Variants in EIF4G3 observed in about 807,000 individuals in gnomAD.
The protein encoded by EIF4G3 is eIF-4-gamma 3.
Under a neutral mutation model 186.4 loss-of-function variants are expected in EIF4G3, and 34 were observed. The observed-to-expected ratio is 0.18, with a 90% CI of 0.14 to 0.24. The LOEUF (loss-of-function observed/expected upper bound fraction) is 0.24. Among genes scored for constraint, EIF4G3 ranks in the 10% least tolerant of loss-of-function variants. The pLI, the probability that EIF4G3 is intolerant of heterozygous loss-of-function variation, is 1.00. For synonymous variants in EIF4G3, 673 were observed against 679.5 expected, an observed-to-expected ratio of 0.99 and a Z score of 0.15; for missense variants, 1,536 against 1,948.5, an observed-to-expected ratio of 0.79 and a Z score of 3.99.
At chr1:21,130,689 A>T (rs1168505494) in intron 2 of EIF4G3, among the ~76,000 whole-genome samples, 1 of 152,142 alleles carries the variant, frequency 6.6e-6, no homozygotes, top group Non-Finnish European at 1.5e-5. Flanking sequence ...ACCTTTAGTG[A>T]AGAGAAAAAA....
At chr1:20,950,960 G>A (rs1573395506) in intron 12 of EIF4G3, among the ~76,000 whole-genome samples, 1 of 152,174 alleles carries the variant, frequency 6.6e-6, no homozygotes, top group South Asian at 2.1e-4. Flanking sequence ...ACAAAGCAGT[G>A]TCTCTCCTCG....
At chr1:21,097,886 T>C (rs1367141302) in intron 2 of EIF4G3, among the ~76,000 whole-genome samples, 1 of 152,124 alleles carries the variant, frequency 6.6e-6, no homozygotes, top group Non-Finnish European at 1.5e-5. Flanking sequence ...AAACAACTGT[T>C]ATCTTGGATT....
At chr1:21,021,659 G>C (rs1230984971) in intron 4 of EIF4G3, among the ~76,000 whole-genome samples, 1 of 152,040 alleles carries the variant, frequency 6.6e-6, no homozygotes, top group Non-Finnish European at 1.5e-5. Flanking sequence ...GGGTTCAAGC[G>C]ATTCTCCTAC....
At chr1:21,166,926 C>A (rs992382962) in intron 2 of EIF4G3, among the ~76,000 whole-genome samples, 1 of 151,882 alleles carries the variant, frequency 6.6e-6, no homozygotes, top group Non-Finnish European at 1.5e-5. Context: ...GGACTACAGG[C>A]ACGTGCAACC....
rs537510272 is a variant in EIF4G3 at position 20,811,491 on chromosome 1, T to C, written c.4598-607A>G. On this transcript the variant is annotated intron_variant, in intron 35 of 36. Coordinates refer to ENST00000602326, the MANE Select transcript of EIF4G3 (RefSeq NM_001391906.1). ...GAGGCAAGAAGGTCTAAGGCAAATA[T>C]TTTGAAATCCAAAATGCTCTGAAAT... Among the ~76,000 whole-genome samples, 841 of 152,274 alleles carry C rather than the reference T, an allele frequency of 5.5e-3. 3 individuals are homozygous for C. Among genetic ancestry groups the C allele is most frequent in the Non-Finnish European group, 0.01 (682 of 68,016 alleles).
intron 28 of EIF4G3, 22 bp from the exon 29 acceptor site, chr1:20,849,552 A>C (rs779404374): frequency 2.1e-5 from 26 of 1,222,894 alleles, no homozygotes; most frequent in Non-Finnish European, 2.9e-5. Context: ...GCCCCCCAAA[A>C]AAAGTAAAAA....
intron 34 of EIF4G3, 33 bp from the exon 35 acceptor site, chr1:20,813,272 T>C (rs2059616119): frequency 1.3e-6 from 2 of 1,533,304 alleles, no homozygotes; most frequent in Non-Finnish European, 1.8e-6. Context: ...CAATTAAAGA[T>C]ACCTTGCTCA....
chr1:21,011,838 C>A (rs181177389), intron 4 of EIF4G3, among the ~76,000 whole-genome samples: 99 of 152,222 alleles, frequency 6.5e-4, no homozygotes, highest in Middle Eastern at 3.4e-3. Context: ...TAAAACAGTT[C>A]AGAGGTAAAT....
At chr1:21,133,045 A>C (rs2102533323) in intron 2 of EIF4G3, among the ~76,000 whole-genome samples, 1 of 152,316 alleles carries the variant, frequency 6.6e-6, no homozygotes, top group South Asian at 2.1e-4. Context: ...CGGCCTCCCC[A>C]AGTGCTGGGA....
chr1:20,979,989 C>T (rs554108366), intron 10 of EIF4G3, among the ~76,000 whole-genome samples: 18 of 152,218 alleles, frequency 1.2e-4, no homozygotes, highest in East Asian at 3.9e-4. Context: ...TCGCCCGCCT[C>T]GGCCTCCTAA....
chr1:21,086,715 G>A (rs1050357854), intron 3 of EIF4G3, among the ~76,000 whole-genome samples: 1 of 152,024 alleles, frequency 6.6e-6, no homozygotes, highest in South Asian at 2.1e-4. Flanking sequence ...CAAGGTGGGC[G>A]GATCACTTGA....
intron 3 of EIF4G3, among the ~76,000 whole-genome samples, chr1:21,079,857 T>A: frequency 6.6e-6 from 1 of 151,648 alleles, no homozygotes; most frequent in East Asian, 1.9e-4. Flanking sequence ...ATTTTAAAAA[T>A]TAGCCAGGCA....
At chr1:20,926,980 G>C (rs2094945466) in intron 14 of EIF4G3, among the ~76,000 whole-genome samples, 1 of 151,760 alleles carries the variant, frequency 6.6e-6, no homozygotes, top group African/African-American at 2.4e-5. Context: ...TATGTTTAAG[G>C]GTTCGAGGAA....
chr1:20,970,332 G>A (rs188684059), intron 11 of EIF4G3, among the ~76,000 whole-genome samples: 18 of 152,258 alleles, frequency 1.2e-4, no homozygotes, highest in Admixed American at 7.8e-4. Flanking sequence ...ATCATACGTC[G>A]GCCAGGCGCG....
At chr1:20,981,769 C>T (rs2078325074) in intron 8 of EIF4G3, among the ~76,000 whole-genome samples, 1 of 150,900 alleles carries the variant, frequency 6.6e-6, no homozygotes, top group Non-Finnish European at 1.5e-5. Context: ...TACACACATA[C>T]TGTATATATA....
chr1:20,885,971 T>C (rs1390246599), intron 19 of EIF4G3, among the ~76,000 whole-genome samples: 1 of 152,204 alleles, frequency 6.6e-6, no homozygotes, highest in Non-Finnish European at 1.5e-5. Context: ...CTATGACACA[T>C]GAACCCTCTA....
chr1:20,908,797 C>T (rs1251824118), intron 14 of EIF4G3, among the ~76,000 whole-genome samples: 1 of 152,086 alleles, frequency 6.6e-6, no homozygotes, highest in Non-Finnish European at 1.5e-5. Context: ...ATAAACTTAC[C>T]GGTTTTTATA....
At chr1:20,814,762 TCCCCCTCC>T (rs2060053038) in intron 34 of EIF4G3, among the ~76,000 whole-genome samples, 1 of 15,236 alleles carries the variant, frequency 6.6e-5, no homozygotes, top group Non-Finnish European at 1.2e-4. Context: ...CCCCTCCCCC[TCCCCCTCC>T]CCCTCCCCCT....
At chr1:20,855,143 T>C (rs761176500) in intron 25 of EIF4G3, 72 bp from the exon 26 acceptor site, 347 of 1,279,118 alleles carry the variant, frequency 2.7e-4, no homozygotes, top group Non-Finnish European at 3.6e-4. Flanking sequence ...TATTTTTTTC[T>C]TCTTCAGTGA....
Sources: gnomAD v4.1 joint callset for allele counts (sites outside exome capture counted in the v4.1 genomes callset) on GRCh38, gnomAD v4.1.1 for gene constraint, MANE v1.5 for transcripts, NCBI Gene and HGNC (gene_info 2026-07-23, HGNC 2026-07-21) for gene names.